Variants in ZNF717 observed in about 807,000 individuals in gnomAD.
ZNF717 encodes krueppel-like factor X17.
In ZNF717, 9 loss-of-function variants were observed where a neutral mutation model predicts 13.8. The observed-to-expected ratio is 0.65, with a 90% confidence interval of 0.39 to 1.14. ZNF717 has a LOEUF of 1.14. Among genes scored for constraint, ZNF717 ranks in the 50% most tolerant of loss-of-function variants. ZNF717 has a pLI of 0.01. For missense variants in ZNF717, 1,040 were observed against 1,080.7 expected, an observed-to-expected ratio of 0.96 and a Z score of 0.53; for synonymous variants, 327 against 364.1, an observed-to-expected ratio of 0.90 and a Z score of 1.16.
At position 75,783,304 on chromosome 3, in the gene ZNF717, A is replaced by C; in HGVS notation, c.57+2T>G. On this transcript the variant is annotated splice_donor_variant, in intron 2 of 4. Coordinates refer to ENST00000652011, the MANE Select transcript of ZNF717 (RefSeq NM_001290208.3). LOFTEE classifies it high-confidence loss of function. Reference sequence around the variant, plus strand: ...AAAGTGAAGAACAAATAAACAACTCACCAGAGATTTATTCTTTTCTTGTAG... The same window carrying C: ...AAAGTGAAGAACAAATAAACAACTCCCCAGAGATTTATTCTTTTCTTGTAG... 6.5e-7 allele frequency: 1 copy of C among 1,548,960 alleles called. No individual in the cohort carries two copies. The highest frequency in any genetic ancestry group is 8.7e-7 in the Non-Finnish European group (1 of 1,144,538).
intron 6 of ZNF717, among the ~76,000 whole-genome samples, chr3:75,700,339 G>T: frequency 6.6e-6 from 1 of 152,174 alleles, no homozygotes; most frequent in Non-Finnish European, 1.5e-5. Context: ...GTTGCAGTGA[G>T]CCAAGATCAC....
At chr3:75,733,297 G>C (rs1392862012), downstream of ZNF717, among the ~76,000 whole-genome samples, 1 of 152,244 alleles carries the variant, frequency 6.6e-6, no homozygotes, top group Admixed American at 6.5e-5. Context: ...CAACAATCAT[G>C]TCTGACAACT....
chr3:75,720,000 C>T (rs1349374881), intron 4 of ZNF717, among the ~76,000 whole-genome samples: 1 of 89,952 alleles, frequency 1.1e-5, no homozygotes. Context: ...ATAATAATAA[C>T]CACGGATTTT....
At position 75,738,964 on chromosome 3, in the gene ZNF717, G is replaced by A. The variant is rs62246570; in HGVS notation, c.659C>T (p.Thr220Met). The A allele has an allele frequency of 1.0e-4, 159 of 1,551,520 alleles. No homozygotes were observed. The African/African-American group carries it at 1.1e-3, about 11-fold the overall frequency. The change falls in exon 5 of 5, where the codon ACG (threonine) becomes ATG (methionine). Residue 220 changes from threonine (T) to methionine (M), a missense_variant. This residue lies in a region of ZNF717 where 873 missense variants were observed against 832.8 expected (regional missense o/e 1.05). Transcript: ENST00000652011. ...QCNEQGKTFN[T>M]EAMFFIHKRV... ...CTTATGTATAAAGAACATTGCCTCC[G>A]TGTTGAAGGTTTTCCCTTGTTCATT...
chr3:75,708,784 T>C (rs1461802289), downstream of ZNF717, among the ~76,000 whole-genome samples: 107 of 152,200 alleles, frequency 7.0e-4, no homozygotes, highest in African/African-American at 2.5e-3. Flanking sequence ...TGTAAAGAAA[T>C]ACCTGAGGCT....
At chr3:75,782,673 C>A (rs374480770) in intron 2 of ZNF717, among the ~76,000 whole-genome samples, 1 of 152,176 alleles carries the variant, frequency 6.6e-6, no homozygotes, top group Non-Finnish European at 1.5e-5. Flanking sequence ...TGTGCTTTAG[C>A]GGCAGATGAC....
chr3:75,727,434 G>A (rs916384533), downstream of ZNF717, among the ~76,000 whole-genome samples: 21 of 152,280 alleles, frequency 1.4e-4, no homozygotes, highest in Admixed American at 1.4e-3. Flanking sequence ...ATGGACGTGT[G>A]AGTAAGAGAA....
At chr3:75,733,987 A>G (rs1442754137), downstream of ZNF717, among the ~76,000 whole-genome samples, 1 of 143,348 alleles carries the variant, frequency 7.0e-6, no homozygotes, top group African/African-American at 2.5e-5. Context: ...TTACCAGCAG[A>G]TGTGTCATGT....
At position 75,738,236 on chromosome 3, in the gene ZNF717, T is replaced by C; in HGVS notation, c.1387A>G (p.Lys463Glu). The change falls in exon 5 of 5, where the codon AAG becomes GAG. Residue 463 changes from lysine to glutamate, a missense_variant. This residue lies in a region of ZNF717 where 873 missense variants were observed against 832.8 expected (regional missense o/e 1.05). Transcript: ENST00000652011. Reference protein sequence around the residue: ...CNECGKPFINKSNLRLHQRTH... With the variant: ...CNECGKPFINESNLRLHQRTH... The stretch of plus-strand genomic sequence containing the variant: ...CTCTGATGTAACCTGAGGTTTGACT[T>C]ATTGATAAAGGGTTTTCCACACTCA... 6.5e-7 allele frequency: 1 copy of C among 1,543,122 alleles called. No homozygotes were observed. The highest frequency in any genetic ancestry group is 1.2e-5 in the South Asian group (1 of 83,388).
chr3:75,706,443 A>G (rs1169933699), downstream of ZNF717, among the ~76,000 whole-genome samples: 4 of 152,308 alleles, frequency 2.6e-5, no homozygotes, highest in Non-Finnish European at 5.9e-5. Context: ...CATAAAATAA[A>G]GCAAATCTCC....
intron 2 of ZNF717, among the ~76,000 whole-genome samples, chr3:75,758,746 G>C (rs1352240920): frequency 6.6e-6 from 1 of 152,112 alleles, no homozygotes; most frequent in Non-Finnish European, 1.5e-5. Flanking sequence ...AGGTGCAGTG[G>C]TTCACCCCTG....
intron 2 of ZNF717, among the ~76,000 whole-genome samples, chr3:75,767,216 GC>G (rs1210035161): frequency 2.6e-5 from 4 of 151,982 alleles, no homozygotes; most frequent in Non-Finnish European, 5.9e-5. Flanking sequence ...CTCATTGACA[GC>G]CCCCACTGAG....
intron 6 of ZNF717, among the ~76,000 whole-genome samples, chr3:75,704,588 G>T (rs1184615440): frequency 6.6e-6 from 1 of 152,308 alleles, no homozygotes; most frequent in African/African-American, 2.4e-5. Flanking sequence ...AGCTCACAGG[G>T]TTAGAGGCCC....
intron 2 of ZNF717, among the ~76,000 whole-genome samples, chr3:75,746,367 C>A (rs1441091223): frequency 1.3e-5 from 2 of 152,248 alleles, no homozygotes; most frequent in East Asian, 3.9e-4. Flanking sequence ...TTTATAGTAG[C>A]ATCATTTATA....
Position 75,736,783 on chromosome 3 carries a change from G to C in ZNF717, c.*95C>G. ...CATGGTTAAGACCTTCTTGTTGGTAGGCCAGGAGGTAATGGTCACCATTTG... is the reference window on the plus strand; with the variant it reads ...CATGGTTAAGACCTTCTTGTTGGTACGCCAGGAGGTAATGGTCACCATTTG... On this transcript the variant is annotated 3_prime_UTR_variant, in exon 5 of 5. Coordinates refer to ENST00000652011, the MANE Select transcript of ZNF717 (RefSeq NM_001290208.3). The C allele has an allele frequency of 1.5e-6, 2 of 1,325,376 alleles. No individual in the cohort carries two copies. The highest frequency in any genetic ancestry group is 2.0e-6 in the Non-Finnish European group (2 of 989,292). The allele number at this position is 1,325,376 out of a possible 1,614,324, so 82.1% of individuals were successfully genotyped here. A position where few individuals can be genotyped will look rare whatever the true frequency, so the allele number is the denominator to read the frequency against.
At chr3:75,768,961 T>C (rs148310216) in intron 2 of ZNF717, among the ~76,000 whole-genome samples, 5,837 of 152,304 alleles carry the variant, frequency 0.038, 176 homozygotes, top group Middle Eastern at 0.11. Context: ...GCCAGTGCCA[T>C]AAGGAAAACC....
chr3:75,763,153 A>G (rs1943169161), intron 2 of ZNF717, among the ~76,000 whole-genome samples: 1 of 152,260 alleles, frequency 6.6e-6, no homozygotes, highest in African/African-American at 2.4e-5. Context: ...AGGATATGAC[A>G]TTAAAAGCTC....
chr3:75,713,051 G>A (rs1373929780), intron 5 of ZNF717, among the ~76,000 whole-genome samples: 1 of 151,988 alleles, frequency 6.6e-6, no homozygotes, highest in South Asian at 2.1e-4. Flanking sequence ...GTTCGAGGTT[G>A]CAGTGAGCTA....
chr3:75,767,105 CG>C (rs1943531298), intron 2 of ZNF717, among the ~76,000 whole-genome samples: 1 of 152,194 alleles, frequency 6.6e-6, no homozygotes, highest in Non-Finnish European at 1.5e-5. Context: ...GCTGAGAGAA[CG>C]GAACACTTAT....
Sources: gnomAD v4.1 joint callset for allele counts (sites outside exome capture counted in the v4.1 genomes callset) on GRCh38, gnomAD v4.1.1 for gene constraint, gnomAD v4.1.1 regional missense constraint, MANE v1.5 for transcripts, NCBI Gene and HGNC (gene_info 2026-07-23, HGNC 2026-07-21) for gene names.